SYT9: variants seen among roughly 807,000 people sequenced by gnomAD.
The protein encoded by SYT9 is synaptotagmin 9.
In SYT9, 22 loss-of-function variants were observed where a neutral mutation model predicts 48.4. That is an observed-to-expected ratio of 0.45 (90% CI 0.32 to 0.65). The LOEUF (loss-of-function observed/expected upper bound fraction) is 0.65, where lower values mean the gene tolerates loss of function less well. SYT9 is among the 30% of genes least tolerant of loss of function. The probability of loss-of-function intolerance (pLI) is 0.03; values close to 1 mark genes in which losing one functional copy is unlikely to be tolerated. For missense variants in SYT9, 577 were observed against 622.0 expected, an observed-to-expected ratio of 0.93 and a Z score of 0.77; for synonymous variants, 265 against 245.0, an observed-to-expected ratio of 1.08 and a Z score of -0.76.
At chr11:7,446,459 C>T (rs1043099078) in intron 6 of SYT9, among the ~76,000 whole-genome samples, 2 of 152,190 alleles carry the variant, frequency 1.3e-5, no homozygotes, top group Non-Finnish European at 2.9e-5. Context: ...GATTCTCCTG[C>T]TTTGAGAACT....
chr11:7,398,839 T>G (rs1167308078), intron 3 of SYT9, among the ~76,000 whole-genome samples: 1 of 152,132 alleles, frequency 6.6e-6, no homozygotes, highest in Non-Finnish European at 1.5e-5. Context: ...ATTTTCAGCC[T>G]TCCCAAGGAT....
chr11:7,308,328 C>A (rs146771751), intron 2 of SYT9, among the ~76,000 whole-genome samples: 1 of 152,192 alleles, frequency 6.6e-6, no homozygotes, highest in South Asian at 2.1e-4. Context: ...GGTCAGGTTT[C>A]ACCTCTGAGG....
intron 3 of SYT9, among the ~76,000 whole-genome samples, chr11:7,337,081 C>A (rs1429521400): frequency 6.6e-6 from 1 of 152,026 alleles, no homozygotes; most frequent in Non-Finnish European, 1.5e-5. Context: ...AGCTGTATCC[C>A]TAGGTATTTT....
At chr11:7,263,374 T>C (rs1848115669) in intron 1 of SYT9, among the ~76,000 whole-genome samples, 1 of 152,186 alleles carries the variant, frequency 6.6e-6, no homozygotes, top group Admixed American at 6.5e-5. Flanking sequence ...ATGGGGGCTC[T>C]GCTCTCATAG....
intron 4 of SYT9, 97 bp from the exon 5 acceptor site, chr11:7,417,860 C>A: frequency 7.7e-7 from 1 of 1,298,014 alleles, no homozygotes; most frequent in Non-Finnish European, 1.1e-6. Flanking sequence ...TAAAGGAGTT[C>A]AGCATACCAT....
At chr11:7,241,212 A>ACG (rs1016055929) in intron 1 of SYT9, among the ~76,000 whole-genome samples, 1 of 128,776 alleles carries the variant, frequency 7.8e-6, no homozygotes, top group African/African-American at 4.1e-5. Context: ...TTTAAAACAC[A>ACG]CACACACACA....
chr11:7,262,128 A>C (rs1848091218), intron 1 of SYT9, among the ~76,000 whole-genome samples: 1 of 152,134 alleles, frequency 6.6e-6, no homozygotes, highest in African/African-American at 2.4e-5. Flanking sequence ...AGGTGGTCAG[A>C]TTCTGGGTAG....
At chr11:7,361,675 T>G (rs1185550574) in intron 3 of SYT9, among the ~76,000 whole-genome samples, 1 of 152,228 alleles carries the variant, frequency 6.6e-6, no homozygotes, top group Non-Finnish European at 1.5e-5. Flanking sequence ...TTCTGGCAAA[T>G]ATATGCTGGT....
At chr11:7,274,291 T>C (rs1848346592) in intron 1 of SYT9, among the ~76,000 whole-genome samples, 1 of 151,846 alleles carries the variant, frequency 6.6e-6, no homozygotes, top group Non-Finnish European at 1.5e-5. Flanking sequence ...TTCTACACTC[T>C]TTCCTTATAT....
At chr11:7,421,851 A>G (rs117913992) in intron 6 of SYT9, among the ~76,000 whole-genome samples, 1 of 152,360 alleles carries the variant, frequency 6.6e-6, no homozygotes, top group East Asian at 1.9e-4. Flanking sequence ...AGGCACAAAT[A>G]CAAGCATTTC....
At chr11:7,312,678 C>G (rs1302196019) in intron 2 of SYT9, among the ~76,000 whole-genome samples, 3 of 152,186 alleles carry the variant, frequency 2.0e-5, no homozygotes, top group African/African-American at 7.2e-5. Context: ...TCCCTACATG[C>G]ATTTATAGTA....
At chr11:7,356,111 A>T (rs1218955844) in intron 3 of SYT9, among the ~76,000 whole-genome samples, 8 of 152,202 alleles carry the variant, frequency 5.3e-5, no homozygotes, top group Non-Finnish European at 1.5e-5. Flanking sequence ...AGGATGATAC[A>T]ACTGATAATG....
chr11:7,301,622 G>T (rs934821821), intron 1 of SYT9, among the ~76,000 whole-genome samples: 1 of 152,170 alleles, frequency 6.6e-6, no homozygotes, highest in Admixed American at 6.5e-5. Flanking sequence ...AAGACATGGC[G>T]TGCGCCTATC....
chr11:7,308,644 A>G (rs1420283103), intron 2 of SYT9, among the ~76,000 whole-genome samples: 1 of 152,156 alleles, frequency 6.6e-6, no homozygotes, highest in Non-Finnish European at 1.5e-5. Context: ...CAGCTCAAGT[A>G]TCATCTCCTT....
chr11:7,256,890 G>A (rs553394815), intron 1 of SYT9, among the ~76,000 whole-genome samples: 3 of 152,102 alleles, frequency 2.0e-5, no homozygotes, highest in South Asian at 4.2e-4. Flanking sequence ...TTCTCTCCAT[G>A]TAAATATTAC....
At chr11:7,241,445 A>G (rs1223417077) in intron 1 of SYT9, among the ~76,000 whole-genome samples, 1 of 152,242 alleles carries the variant, frequency 6.6e-6, no homozygotes, top group Non-Finnish European at 1.5e-5. Context: ...CATGCAAAAT[A>G]TGAACTTTGG....
intron 6 of SYT9, chr11:7,453,916 C>T (rs180873165): frequency 4.7e-6 from 4 of 859,884 alleles, no homozygotes; most frequent in East Asian, 2.4e-4. Flanking sequence ...AGATCTCAGT[C>T]GCCCTCCTCA....
chr11:7,307,440 GA>G (rs1430063955), intron 2 of SYT9, among the ~76,000 whole-genome samples: 1 of 152,184 alleles, frequency 6.6e-6, no homozygotes, highest in Non-Finnish European at 1.5e-5. Flanking sequence ...ACCCCGAAAT[GA>G]TATGTAAATG....
At chr11:7,313,325 A>G (rs1849174775) in intron 2 of SYT9, 70 bp from the exon 3 acceptor site, 1 of 1,488,474 alleles carries the variant, frequency 6.7e-7, no homozygotes. Context: ...CCTACATCCC[A>G]GGCAAAAGTT....
Sources: allele counts gnomAD v4.1 joint callset (sites outside exome capture counted in the v4.1 genomes callset), GRCh38; gene constraint gnomAD v4.1.1; transcripts MANE v1.5; gene names NCBI Gene and HGNC (gene_info 2026-07-23, HGNC 2026-07-21).